EPB41L4B: variants seen among roughly 807,000 people sequenced by gnomAD.
The protein encoded by EPB41L4B is band 4.1-like protein 4B.
Under a neutral mutation model 112.5 loss-of-function variants are expected in EPB41L4B, and 30 were observed. The observed-to-expected ratio is 0.27, with a 90% CI of 0.20 to 0.36. The LOEUF (loss-of-function observed/expected upper bound fraction) is 0.36. Among genes scored for constraint, EPB41L4B ranks in the 10% least tolerant of loss-of-function variants. The probability of loss-of-function intolerance (pLI) is 1.00; values close to 1 mark genes in which losing one functional copy is unlikely to be tolerated. For synonymous variants in EPB41L4B, 408 were observed against 439.7 expected (o/e 0.93, Z 0.90); for missense variants, 1,024 against 1,133.3 (o/e 0.90, Z 1.38).
At chr9:109,304,807 T>A (rs972757826) in intron 1 of EPB41L4B, among the ~76,000 whole-genome samples, 1 of 152,142 alleles carries the variant, frequency 6.6e-6, no homozygotes, top group Non-Finnish European at 1.5e-5. Flanking sequence ...TATTGCATGA[T>A]TCTATTTATA....
At chr9:109,186,233 G>A (rs1227921813) in intron 22 of EPB41L4B, among the ~76,000 whole-genome samples, 2 of 151,894 alleles carry the variant, frequency 1.3e-5, no homozygotes, top group East Asian at 3.9e-4. Context: ...TGTCACCCAG[G>A]TTGGAGTGCA....
chr9:109,282,854 CT>C (rs1256004223), intron 1 of EPB41L4B, among the ~76,000 whole-genome samples: 1 of 151,984 alleles, frequency 6.6e-6, no homozygotes. Flanking sequence ...CCAAGCCCGG[CT>C]TATTTTTAGT....
At chr9:109,220,785 GT>G (rs1833547352) in intron 15 of EPB41L4B, among the ~76,000 whole-genome samples, 2 of 150,434 alleles carry the variant, frequency 1.3e-5, no homozygotes, top group Non-Finnish European at 3.0e-5. Flanking sequence ...GAGCATATGT[GT>G]GTGTGCGTGT....
At chr9:109,183,665 C>G (rs897791577) in intron 23 of EPB41L4B, among the ~76,000 whole-genome samples, 1 of 152,164 alleles carries the variant, frequency 6.6e-6, no homozygotes, top group African/African-American at 2.4e-5. Flanking sequence ...TGTGCACATT[C>G]CTGGGGGACA....
At chr9:109,256,107 A>G (rs1554755162) in intron 9 of EPB41L4B, 29 bp downstream of exon 9, 2 of 1,578,856 alleles carry the variant, frequency 1.3e-6, no homozygotes, top group South Asian at 1.1e-5. Flanking sequence ...AGGAAAAGAC[A>G]TTTTTAATAT....
intron 20 of EPB41L4B, among the ~76,000 whole-genome samples, chr9:109,196,573 C>A (rs889287817): frequency 1.3e-5 from 2 of 152,002 alleles, no homozygotes; most frequent in Non-Finnish European, 2.9e-5. Flanking sequence ...CAAAAATTAG[C>A]CAGATGTGGT....
Position 109,225,253 on chromosome 9 carries a change from G to T in EPB41L4B, c.1410-8108C>A, listed in dbSNP as rs375169988. On this transcript the variant is annotated intron_variant, in intron 15 of 25. Coordinates refer to ENST00000374566, the MANE Select transcript of EPB41L4B (RefSeq NM_019114.5). ...CAGTGCATTTGGTACATATTTGAAGGCCAGCTCTTGTGCCTGGTACTGTGC... is the reference window on the plus strand; with the variant it reads ...CAGTGCATTTGGTACATATTTGAAGTCCAGCTCTTGTGCCTGGTACTGTGC... Among the ~76,000 whole-genome samples the T allele has an allele frequency of 5.9e-5, 9 of 152,344 alleles. No homozygotes were observed. The East Asian group carries it at 9.7e-4, about 16-fold the overall frequency.
At chr9:109,306,381 G>A (rs1398197169) in intron 1 of EPB41L4B, among the ~76,000 whole-genome samples, 4 of 152,152 alleles carry the variant, frequency 2.6e-5, no homozygotes, top group Non-Finnish European at 5.9e-5. Flanking sequence ...GGAGGCCGAG[G>A]TGGGGATGGA....
At chr9:109,239,963 T>A in intron 15 of EPB41L4B, 2 of 985,378 alleles carry the variant, frequency 2.0e-6, no homozygotes, top group Non-Finnish European at 1.2e-6. Context: ...AAGAAAGGCA[T>A]CAGCTGCTGT....
At chr9:109,193,983 A>G (rs1371926762) in intron 21 of EPB41L4B, among the ~76,000 whole-genome samples, 6 of 152,204 alleles carry the variant, frequency 3.9e-5, no homozygotes, top group Admixed American at 3.9e-4. Context: ...AATCTCTTAC[A>G]TTGCAATTAA....
chr9:109,187,344 A>G (rs1467259729), intron 22 of EPB41L4B, among the ~76,000 whole-genome samples: 1 of 152,034 alleles, frequency 6.6e-6, no homozygotes, highest in Non-Finnish European at 1.5e-5. Flanking sequence ...TTTTACAACT[A>G]TTATCTCACA....
intron 6 of EPB41L4B, 55 bp from the exon 7 acceptor site, chr9:109,258,352 T>G: frequency 6.3e-7 from 1 of 1,589,702 alleles, no homozygotes; most frequent in African/African-American, 1.3e-5. Flanking sequence ...TTTCAGTTAT[T>G]GCTGCAACCA....
Position 109,203,678 on chromosome 9 carries a change from T to C in EPB41L4B, c.1931A>G (p.Gln644Arg). 6.2e-7 allele frequency: 1 copy of C among 1,613,758 alleles called. No individual in the cohort carries two copies. Among genetic ancestry groups the C allele is most frequent in the Non-Finnish European group, 8.5e-7 (1 of 1,179,630 alleles). ...FVNINKKSSL[Q>R]DASVRSPIPI... ...AGCAACAGACCTTACACTAGCGTCCTGAAGACTGGATTTCTTATTGATATT... is the reference window on the plus strand; with the variant it reads ...AGCAACAGACCTTACACTAGCGTCCCGAAGACTGGATTTCTTATTGATATT... Residue 644 changes from glutamine to arginine, a missense_variant, in exon 19 of 26, where the codon CAG becomes CGG. Coordinates refer to ENST00000374566, the MANE Select transcript of EPB41L4B (RefSeq NM_019114.5).
At chr9:109,279,464 G>A (rs1835953313) in intron 2 of EPB41L4B, among the ~76,000 whole-genome samples, 1 of 152,108 alleles carries the variant, frequency 6.6e-6, no homozygotes, top group Non-Finnish European at 1.5e-5. Flanking sequence ...CAATCCACCT[G>A]CCTCAGCCTC....
chr9:109,300,856 C>G (rs1836936320), intron 1 of EPB41L4B: 1 of 152,108 alleles, frequency 6.6e-6, no homozygotes, highest in Admixed American at 6.5e-5. Context: ...TGATCACTAT[C>G]CTATATGTGA....
At chr9:109,304,131 C>T (rs539854821) in intron 1 of EPB41L4B, among the ~76,000 whole-genome samples, 205 of 152,252 alleles carry the variant, frequency 1.3e-3, no homozygotes, top group Non-Finnish European at 2.6e-3. Context: ...CAGTAGCTAC[C>T]TTGTAAAGAT....
At chr9:109,287,081 A>C (rs1227171271) in intron 1 of EPB41L4B, among the ~76,000 whole-genome samples, 1 of 152,260 alleles carries the variant, frequency 6.6e-6, no homozygotes, top group Non-Finnish European at 1.5e-5. Context: ...AAAATAACCC[A>C]GCTCATTAAA....
chr9:109,232,197 G>T (rs548258684), intron 15 of EPB41L4B, among the ~76,000 whole-genome samples: 1 of 152,026 alleles, frequency 6.6e-6, no homozygotes, highest in Admixed American at 6.5e-5. Context: ...TCACTATGCT[G>T]GCCAGGCTGG....
intron 2 of EPB41L4B, among the ~76,000 whole-genome samples, chr9:109,277,693 G>A (rs1207502865): frequency 2.0e-5 from 3 of 152,212 alleles, no homozygotes; most frequent in Non-Finnish European, 2.9e-5. Context: ...ACGGGGGCAG[G>A]AGAATCAAAG....
Sources: allele counts gnomAD v4.1 joint callset (sites outside exome capture counted in the v4.1 genomes callset), GRCh38; gene constraint gnomAD v4.1.1; transcripts MANE v1.5; gene names NCBI Gene and HGNC (gene_info 2026-07-23, HGNC 2026-07-21).